Variants in PHIP observed in about 807,000 individuals in gnomAD.
PHIP encodes PH-interacting protein.
In PHIP, 54 loss-of-function variants were observed where a neutral mutation model predicts 236.8. The observed-to-expected ratio is 0.23, with a 90% CI of 0.18 to 0.29. The LOEUF is 0.29. Among genes scored for constraint, PHIP ranks in the 10% least tolerant of loss-of-function variants. The pLI is 1.00. For missense variants in PHIP, 1,370 were observed against 2,190.8 expected, an observed-to-expected ratio of 0.63 and a Z score of 7.48; for synonymous variants, 756 against 718.9, an observed-to-expected ratio of 1.05 and a Z score of -0.83.
Position 78,945,284 on chromosome 6 carries a change from A to T in PHIP, c.4828+16T>A. ...AAGGATCTACTGTATCTTGAAAGAT[A>T]CAAGTAATACCTTACCTTGCTCAAT... is the stretch of plus-strand genomic sequence containing the variant. On this transcript the variant is annotated intron_variant, in intron 39 of 39. Transcript: ENST00000275034. The T allele has an allele frequency of 1.3e-6, 2 of 1,548,656 alleles. No homozygotes were observed. Among genetic ancestry groups the T allele is most frequent in the Admixed American group, 1.7e-5 (1 of 59,860 alleles).
intron 7 of PHIP, among the ~76,000 whole-genome samples, chr6:79,036,701 C>A (rs564969471): frequency 1.3e-5 from 2 of 151,972 alleles, no homozygotes; most frequent in Non-Finnish European, 2.9e-5. Context: ...GCGGGTAGAT[C>A]ATGAGGTCAG....
chr6:78,970,505 C>A (rs368744012), intron 25 of PHIP, among the ~76,000 whole-genome samples: 1 of 152,116 alleles, frequency 6.6e-6, no homozygotes, highest in South Asian at 2.1e-4. Flanking sequence ...ATCAAATTTA[C>A]GAATACAAAG....
rs781149263 is a variant in PHIP, at chr6:78,941,269, C to G, written c.4890G>C (p.Gln1630His). 1.2e-6 allele frequency: 2 copies of G among 1,613,456 alleles called. No homozygotes were observed. Among genetic ancestry groups the G allele is most frequent in the African/African-American group, 1.3e-5 (1 of 75,004 alleles). The change falls in exon 40 of 40, where the codon CAG becomes CAC. Residue 1630 changes from glutamine to histidine, a missense_variant. Around this residue, in one of 14 missense-constraint regions of PHIP, gnomAD observed 309 missense variants for 328.3 expected, o/e 0.94. Coordinates refer to ENST00000275034, the MANE Select transcript of PHIP (RefSeq NM_017934.7). ...GTCCCCTCTTCACAAGTTTTGATGG[C>G]TGTCCTCCATGGCCATTTACTTGAA... ...GTIQVNGHGG[Q>H]PSKLVKRGPG...
At chr6:78,965,542 A>C (rs1384540704) in intron 29 of PHIP, among the ~76,000 whole-genome samples, 161 bp downstream of exon 29, 1 of 152,182 alleles carries the variant, frequency 6.6e-6, no homozygotes, top group Non-Finnish European at 1.5e-5. Flanking sequence ...TTCACTGCTG[A>C]ATCTCCCCTA....
At chr6:78,993,205 T>C (rs898528574) in intron 19 of PHIP, among the ~76,000 whole-genome samples, 3 of 152,202 alleles carry the variant, frequency 2.0e-5, no homozygotes, top group Admixed American at 2.0e-4. Context: ...GAAGAAAAGT[T>C]GGAAGCTAGC....
At chr6:78,962,849 T>C (rs1766872020) in intron 30 of PHIP, among the ~76,000 whole-genome samples, 1 of 152,166 alleles carries the variant, frequency 6.6e-6, no homozygotes, top group Non-Finnish European at 1.5e-5. Context: ...CCCAGTTTTT[T>C]CAGAGATGCC....
At chr6:79,075,947 C>A (rs1336053326) in intron 4 of PHIP, among the ~76,000 whole-genome samples, 1 of 152,098 alleles carries the variant, frequency 6.6e-6, no homozygotes, top group African/African-American at 2.4e-5. Flanking sequence ...ATTTGTAAAC[C>A]TAAAAATTAA....
intron 24 of PHIP, among the ~76,000 whole-genome samples, chr6:78,972,826 G>GA (rs887431124): frequency 2.6e-5 from 4 of 151,974 alleles, no homozygotes; most frequent in South Asian, 2.1e-4. Flanking sequence ...GAAGTTTAGA[G>GA]AAAAAAACAA....
chr6:78,982,850 T>C (rs1415394078), intron 23 of PHIP, 36 bp downstream of exon 23: 1 of 1,327,070 alleles, frequency 7.5e-7, no homozygotes. Context: ...ACTGTTTCTC[T>C]AGAAAACACC....
chr6:78,994,882 T>G (rs771521137), intron 19 of PHIP, among the ~76,000 whole-genome samples: 1 of 152,202 alleles, frequency 6.6e-6, no homozygotes. Context: ...AATTTTCAAA[T>G]TAGGTATGTA....
chr6:78,959,584 A>G (rs552850834), intron 31 of PHIP, among the ~76,000 whole-genome samples: 19 of 152,184 alleles, frequency 1.2e-4, no homozygotes, highest in Non-Finnish European at 2.1e-4. Flanking sequence ...GCAAAAACCT[A>G]CTTACATTGT....
intron 10 of PHIP, 64 bp downstream of exon 10, chr6:79,019,025 C>T (rs899340359): frequency 9.4e-7 from 1 of 1,064,446 alleles, no homozygotes; most frequent in Non-Finnish European, 1.5e-6. Flanking sequence ...AAATATTACA[C>T]ACTCCACTAT....
Position 78,969,834 on chromosome 6 carries a change from C to T in PHIP, c.3205+1G>A. On this transcript the variant is annotated splice_donor_variant, in intron 27 of 39. Coordinates refer to ENST00000275034, the MANE Select transcript of PHIP (RefSeq NM_017934.7). LOFTEE classifies it high-confidence loss of function. ...CGATAGCTTCTAAATAAATTACCCA[C>T]CTATATTCCATCGCCTGTATTTTGC... 6.8e-7 allele frequency: 1 copy of T among 1,481,004 alleles called. No homozygotes were observed. Among genetic ancestry groups the T allele is most frequent in the Non-Finnish European group, 9.3e-7 (1 of 1,070,068 alleles). The allele number at this position is 1,481,004 out of a possible 1,614,324, so 91.7% of individuals were successfully genotyped here.
At chr6:78,998,492 G>T in intron 17 of PHIP, 101 bp from the exon 18 acceptor site, 3 of 852,528 alleles carry the variant, frequency 3.5e-6, no homozygotes, top group Admixed American at 2.6e-5. Flanking sequence ...CATAAATGTT[G>T]CTTGGGTAAA....
intron 7 of PHIP, among the ~76,000 whole-genome samples, chr6:79,036,405 AC>A (rs1771934636): frequency 6.6e-6 from 1 of 152,016 alleles, no homozygotes; most frequent in South Asian, 2.1e-4. Context: ...AAATGACCAT[AC>A]TCTGCCTCTT....
At position 78,937,035 on chromosome 6, in the gene PHIP, G is replaced by A. The variant is rs1389060407; in HGVS notation, c.*3658C>T. On this transcript the variant is annotated 3_prime_UTR_variant, in exon 40 of 40. Coordinates refer to ENST00000275034, the MANE Select transcript of PHIP (RefSeq NM_017934.7). ...TTAGAAATACTTTTTAGGTTAATAGGAGTAATCAGATGATAAAACTACTTC... is the reference window on the plus strand; with the variant it reads ...TTAGAAATACTTTTTAGGTTAATAGAAGTAATCAGATGATAAAACTACTTC... The A allele has an allele frequency of 6.6e-6, 1 of 151,678 alleles. No homozygotes were observed. Among genetic ancestry groups the A allele is most frequent in the Non-Finnish European group, 1.5e-5 (1 of 67,670 alleles). 9.4% of individuals were successfully genotyped at this position (151,678 alleles called of 1,614,324 possible).
chr6:79,066,687 T>A (rs1202965913), intron 4 of PHIP, among the ~76,000 whole-genome samples: 3 of 152,150 alleles, frequency 2.0e-5, no homozygotes, highest in African/African-American at 7.2e-5. Flanking sequence ...AAGGGAACAC[T>A]TTAAAAAATT....
At chr6:79,059,203 C>T (rs544865568) in intron 6 of PHIP, among the ~76,000 whole-genome samples, 2 of 151,752 alleles carry the variant, frequency 1.3e-5, no homozygotes, top group Non-Finnish European at 2.9e-5. Context: ...GATAACGAAG[C>T]AGATAAAGTG....
At chr6:78,954,395 C>T (rs1766268478) in intron 35 of PHIP, among the ~76,000 whole-genome samples, 1 of 152,144 alleles carries the variant, frequency 6.6e-6, no homozygotes, top group Admixed American at 6.5e-5. Flanking sequence ...CATGAGCCAC[C>T]GTGCCCAGCC....
Sources: gnomAD v4.1 joint callset for allele counts (sites outside exome capture counted in the v4.1 genomes callset) on GRCh38, gnomAD v4.1.1 for gene constraint, gnomAD v4.1.1 regional missense constraint, MANE v1.5 for transcripts, NCBI Gene and HGNC (gene_info 2026-07-23, HGNC 2026-07-21) for gene names.